The following ZNF717 variants were observed in gnomAD, a reference collection of about 807,000 sequenced individuals.
ZNF717 encodes krueppel-like factor X17.
In ZNF717, 9 loss-of-function variants were observed where a neutral mutation model predicts 13.8. That is an observed-to-expected ratio of 0.65 (90% CI 0.39 to 1.14). The LOEUF (loss-of-function observed/expected upper bound fraction) is 1.14, where lower values mean the gene tolerates loss of function less well. ZNF717 is among the 50% of genes most tolerant of loss of function. The probability of loss-of-function intolerance (pLI) is 0.01; values close to 1 mark genes in which losing one functional copy is unlikely to be tolerated. For missense variants in ZNF717, 1,040 were observed against 1,080.7 expected (o/e 0.96, Z 0.53); for synonymous variants, 327 against 364.1 (o/e 0.90, Z 1.16).
chr3:75,757,530 T>G (rs1559645191), intron 2 of ZNF717, among the ~76,000 whole-genome samples: 1 of 152,194 alleles, frequency 6.6e-6, no homozygotes, highest in South Asian at 2.1e-4. Flanking sequence ...TACCGCTCAA[T>G]GACAATGCTC....
chr3:75,726,836 C>CACCAAAAA (rs1450577501), downstream of ZNF717, among the ~76,000 whole-genome samples: 1 of 150,634 alleles, frequency 6.6e-6, no homozygotes, highest in Non-Finnish European at 1.5e-5. Flanking sequence ...CCCCCACAGA[C>CACCAAAAA]ACCAAAAACC....
chr3:75,780,654 C>T (rs1220112041), intron 2 of ZNF717, among the ~76,000 whole-genome samples: 3 of 152,230 alleles, frequency 2.0e-5, no homozygotes, highest in Non-Finnish European at 2.9e-5. Context: ...CCCACCTCGG[C>T]CTCCCAAAGT....
intron 4 of ZNF717, among the ~76,000 whole-genome samples, chr3:75,719,521 T>C (rs1938127089): frequency 6.6e-6 from 1 of 152,202 alleles, no homozygotes; most frequent in Non-Finnish European, 1.5e-5. Context: ...GACACAGACA[T>C]TGCTATAGTG....
chr3:75,739,676 T>C (rs1410864205), intron 4 of ZNF717, among the ~76,000 whole-genome samples: 2 of 52,106 alleles, frequency 3.8e-5, no homozygotes, highest in East Asian at 2.3e-3. Flanking sequence ...GTTTTCTCTC[T>C]TTTTTTTTAT....
chr3:75,760,031 T>A (rs1348262506), intron 2 of ZNF717, among the ~76,000 whole-genome samples: 1 of 152,082 alleles, frequency 6.6e-6, no homozygotes, highest in Admixed American at 6.5e-5. Context: ...AAATTTTTTC[T>A]TTCTTCTTTT....
Position 75,739,267 on chromosome 3 carries a change from T to C in ZNF717, c.356A>G (p.Asn119Ser). ...DRFFWQIVIT[N>S]SNTSTQERVE... ...TCTCTCCTGAGTTGATGTGTTGCTG[T>C]TGGTGATTACAATTTGCCAGAAAAA... Residue 119 changes from asparagine to serine, a missense_variant, in exon 5 of 5, where the codon AAC (asparagine) becomes AGC (serine). Coordinates refer to ENST00000652011, the MANE Select transcript of ZNF717 (RefSeq NM_001290208.3). 20 of 1,527,264 alleles carry C rather than the reference T, an allele frequency of 1.3e-5. No individual in the cohort carries two copies. The highest frequency in any genetic ancestry group is 1.8e-5 in the Non-Finnish European group (20 of 1,137,172). 94.6% of individuals were successfully genotyped at this position (1,527,264 alleles called of 1,614,324 possible). A position where few individuals can be genotyped will look rare whatever the true frequency, so the allele number is the denominator to read the frequency against.
At chr3:75,759,442 A>T (rs1214296963) in intron 2 of ZNF717, among the ~76,000 whole-genome samples, 3 of 151,726 alleles carry the variant, frequency 2.0e-5, no homozygotes, top group Non-Finnish European at 4.4e-5. Context: ...CGCCCCGCTA[A>T]TTTTTTCTAT....
At chr3:75,779,745 G>GA in intron 2 of ZNF717, among the ~76,000 whole-genome samples, 1 of 146,784 alleles carries the variant, frequency 6.8e-6, no homozygotes, top group Non-Finnish European at 1.5e-5. Context: ...CCATGGGAGT[G>GA]TCGTGCTAAA....
chr3:75,725,961 T>C (rs1203067553), downstream of ZNF717, among the ~76,000 whole-genome samples: 1 of 152,242 alleles, frequency 6.6e-6, no homozygotes, highest in African/African-American at 2.4e-5. Context: ...TTGCTCCCAG[T>C]TGGGCCTTTT....
At chr3:75,760,130 G>A (rs1041635418) in intron 2 of ZNF717, among the ~76,000 whole-genome samples, 1 of 152,204 alleles carries the variant, frequency 6.6e-6, no homozygotes, top group African/African-American at 2.4e-5. Flanking sequence ...CCAGATTCAA[G>A]TGATTGTCCT....
At chr3:75,756,091 C>A (rs187062031) in intron 2 of ZNF717, among the ~76,000 whole-genome samples, 272 of 152,394 alleles carry the variant, frequency 1.8e-3, no homozygotes, top group African/African-American at 5.9e-3. Flanking sequence ...CACGTGCTCA[C>A]TTCACGTCTC....
Position 75,737,933 on chromosome 3 carries a change from C to A in ZNF717, c.1690G>T (p.Glu564Ter). ...AAGGATTTTCCACATTCATTACATT[C>A]ATAGGGTTTTTCCCCTGTGTGAGTT... Reference protein sequence around the residue: ...HRTHTGEKPYECNECGKSFHC... With the variant: ...HRTHTGEKPY The change falls in exon 5 of 5, where the codon GAA (glutamate) becomes TAA (stop). Residue 564 changes from glutamate (E) to a stop codon, truncating the protein, a stop_gained. Coordinates refer to ENST00000652011, the MANE Select transcript of ZNF717 (RefSeq NM_001290208.3). LOFTEE classifies it low-confidence loss of function (END_TRUNC). 6.4e-7 allele frequency: 1 copy of A among 1,551,250 alleles called. No homozygotes were observed. Among genetic ancestry groups the A allele is most frequent in the Non-Finnish European group, 8.7e-7 (1 of 1,146,542 alleles).
In ZNF717 at chr3:75,738,999, A is replaced by G; in HGVS notation, c.624T>C (p.Thr208=). ...TTTTCCCTTGTTCATTACATTGAAA[A>G]GTCTGCAGCAGAGTTTGAATCTTGT... ...QHHKIQTLLQ[T]FQCNEQGKTF... is the part of the protein sequence containing the mutation. Residue 208 remains threonine (T), a synonymous_variant, in exon 5 of 5, where the codon ACT becomes ACC. Coordinates refer to ENST00000652011, the MANE Select transcript of ZNF717 (RefSeq NM_001290208.3). 1 of 1,551,608 alleles carries G rather than the reference A, an allele frequency of 6.4e-7. No homozygotes were observed.
downstream of ZNF717, among the ~76,000 whole-genome samples, chr3:75,735,579 A>C (rs1939072113): frequency 9.3e-6 from 1 of 107,606 alleles, no homozygotes; most frequent in Non-Finnish European, 1.9e-5. Context: ...CATGAGGTTG[A>C]GGCTGCAGGG....
intron 2 of ZNF717, among the ~76,000 whole-genome samples, chr3:75,744,377 TAAC>T (rs147657388): frequency 1.3e-5 from 2 of 152,222 alleles, no homozygotes; most frequent in Admixed American, 6.5e-5. Flanking sequence ...CAATTAATCT[TAAC>T]AACAAATAAA....
Position 75,737,150 on chromosome 3 carries a change from G to C in ZNF717, c.2473C>G (p.Gln825Glu). Residue 825 changes from glutamine (Q) to glutamate (E), a missense_variant, in exon 5 of 5, where the codon CAG (glutamine) becomes GAG (glutamate). Physicochemically the swap from Gln to Glu is conservative, Grantham distance 29. Transcript: ENST00000652011. ...TGATGTACAAAGAGTTTTGACTTCT[G>C]GGAGAAGGTTTTCCTACATTCTTTA... ...ECKECRKTFS[Q>E]KSKLFVHHRT... is the part of the protein sequence containing the mutation. The C allele has an allele frequency of 1.3e-6, 2 of 1,561,514 alleles. No homozygotes were observed. Among genetic ancestry groups the C allele is most frequent in the Non-Finnish European group, 1.7e-6 (2 of 1,153,120 alleles).
intron 2 of ZNF717, among the ~76,000 whole-genome samples, chr3:75,773,921 T>C (rs1301092389): frequency 2.0e-5 from 3 of 152,182 alleles, no homozygotes; most frequent in East Asian, 1.9e-4. Flanking sequence ...TGGTGGTGCA[T>C]GCCTCTAATC....
chr3:75,746,950 T>C (rs201461023), intron 2 of ZNF717, among the ~76,000 whole-genome samples: 2 of 152,196 alleles, frequency 1.3e-5, no homozygotes, highest in African/African-American at 4.8e-5. Flanking sequence ...TGCCTATGTC[T>C]TGAATGGTAT....
At chr3:75,697,295 T>C (rs1440254256) in intron 6 of ZNF717, among the ~76,000 whole-genome samples, 1 of 152,426 alleles carries the variant, frequency 6.6e-6, no homozygotes, top group East Asian at 1.9e-4. Context: ...AAGACTCCTC[T>C]GATAAGGTTT....
Sources: allele counts gnomAD v4.1 joint callset (sites outside exome capture counted in the v4.1 genomes callset), GRCh38; gene constraint gnomAD v4.1.1; transcripts MANE v1.5; gene names NCBI Gene and HGNC (gene_info 2026-07-23, HGNC 2026-07-21).